CASTOR2: variants seen among roughly 807,000 people sequenced by gnomAD.
CASTOR2 encodes GATS protein like 2.
A neutral mutation model predicts 31.2 loss-of-function variants in CASTOR2; 8 were observed. That is an observed-to-expected ratio of 0.26 (90% CI 0.15 to 0.46). The LOEUF (loss-of-function observed/expected upper bound fraction) is 0.46, where lower values mean the gene tolerates loss of function less well. Ranked by LOEUF, CASTOR2 falls within the 20% of genes least tolerant of loss-of-function variation. The pLI is 0.99. For synonymous variants in CASTOR2, 162 were observed against 158.7 expected, an observed-to-expected ratio of 1.02 and a Z score of -0.16; for missense variants, 216 against 382.1, an observed-to-expected ratio of 0.57 and a Z score of 3.62.
chr7:74,986,058 G>A (rs1804057010), intron 1 of CASTOR2, among the ~76,000 whole-genome samples: 1 of 152,050 alleles, frequency 6.6e-6, no homozygotes, highest in East Asian at 1.9e-4. Context: ...CTCCCAAGTA[G>A]CTGCAACTAC....
chr7:75,013,524 T>A (rs1433805129), intron 2 of CASTOR2, among the ~76,000 whole-genome samples: 1 of 151,874 alleles, frequency 6.6e-6, no homozygotes, highest in Non-Finnish European at 1.5e-5. Flanking sequence ...ATGGCTGTGG[T>A]CCCAGCTACT....
intron 6 of CASTOR2, 62 bp downstream of exon 6, chr7:75,020,211 T>C: frequency 7.1e-7 from 1 of 1,406,012 alleles, no homozygotes; most frequent in South Asian, 1.3e-5. Context: ...GGGGGGACTA[T>C]GTGATGGCAC....
chr7:74,972,079 A>G (rs1418304657), intron 1 of CASTOR2, among the ~76,000 whole-genome samples: 11 of 149,048 alleles, frequency 7.4e-5, no homozygotes, highest in African/African-American at 1.7e-4. Context: ...CCTGGGCTCA[A>G]GGTATCCTCC....
At chr7:75,021,079 C>T (rs1804990004) in intron 6 of CASTOR2, among the ~76,000 whole-genome samples, 1 of 152,156 alleles carries the variant, frequency 6.6e-6, no homozygotes, top group East Asian at 1.9e-4. Context: ...GCAACCTCCA[C>T]CTCCCAGGTT....
chr7:75,024,543 C>T lies in CASTOR2; in HGVS notation c.924+9C>T. 1 of 1,551,558 alleles carries T rather than the reference C, an allele frequency of 6.4e-7. No individual in the cohort carries two copies. Among genetic ancestry groups the T allele is most frequent in the Non-Finnish European group, 8.7e-7 (1 of 1,146,836 alleles). On this transcript the variant is annotated intron_variant, in intron 8 of 8. Transcript: ENST00000616305. ...AGTTTGATCATGCACTTGTGAGTGTCCAGCGCCAGACCCCTCCAGGGCAGG... is the reference window on the plus strand; with the variant it reads ...AGTTTGATCATGCACTTGTGAGTGTTCAGCGCCAGACCCCTCCAGGGCAGG...
In CASTOR2 at chr7:75,025,622, C is replaced by T. The variant is rs1805107528; in HGVS notation, c.*923C>T. 6.6e-6 allele frequency among the ~76,000 whole-genome samples: 1 copy of T among 152,264 alleles called. No individual in the cohort carries two copies. The highest frequency in any genetic ancestry group is 2.4e-5 in the African/African-American group (1 of 41,472). ...CGCCGTCCTCCTCCCTCCTCTGCCC[C>T]CAAGTCACCTGCCTGCCCACCCGCC... On this transcript the variant is annotated 3_prime_UTR_variant, in exon 9 of 9. Coordinates refer to ENST00000616305, the MANE Select transcript of CASTOR2 (RefSeq NM_001145064.3).
chr7:75,017,964 A>C (rs1442996811), intron 3 of CASTOR2, 26 bp from the exon 4 acceptor site: 5 of 1,614,038 alleles, frequency 3.1e-6, no homozygotes, highest in Non-Finnish European at 4.2e-6. Flanking sequence ...CACCAGGCAC[A>C]CACGGCCTCA....
chr7:74,985,693 A>G (rs2131925202), intron 1 of CASTOR2, among the ~76,000 whole-genome samples: 1 of 149,880 alleles, frequency 6.7e-6, no homozygotes, highest in Middle Eastern at 3.5e-3. Flanking sequence ...AGCATGTTCC[A>G]TTACCCCCCA....
At chr7:74,983,795 G>C (rs1554436481) in intron 1 of CASTOR2, among the ~76,000 whole-genome samples, 3 of 150,300 alleles carry the variant, frequency 2.0e-5, no homozygotes, top group African/African-American at 7.4e-5. Context: ...TACCTTTCTT[G>C]TTTTCTTTTG....
rs1805150663 is a variant in CASTOR2 at position 75,026,933 on chromosome 7, C to G, written c.*2234C>G. On this transcript the variant is annotated 3_prime_UTR_variant, in exon 9 of 9. Transcript: ENST00000616305. ...CTTCCTAGGACGTATCTATTGTACA[C>G]ACCTATAAATACCTGTGTTTTATGT... is the stretch of plus-strand genomic sequence containing the variant. Among the ~76,000 whole-genome samples the G allele has an allele frequency of 1.3e-5, 2 of 152,174 alleles. No individual in the cohort carries two copies. The highest frequency in any genetic ancestry group is 2.1e-4 in the South Asian group (1 of 4,826).
At chr7:75,011,156 C>T (rs1334478365) in intron 2 of CASTOR2, among the ~76,000 whole-genome samples, 1 of 152,038 alleles carries the variant, frequency 6.6e-6, no homozygotes, top group Non-Finnish European at 1.5e-5. Context: ...TGGCCAGGCA[C>T]AGTGGTTCAC....
intron 2 of CASTOR2, among the ~76,000 whole-genome samples, chr7:75,012,240 G>A (rs1447137147): frequency 6.6e-6 from 1 of 152,140 alleles, no homozygotes; most frequent in Non-Finnish European, 1.5e-5. Context: ...TGCAGTATGA[G>A]GCTAGGAGGA....
Position 75,016,065 on chromosome 7 carries a change from CA to C in CASTOR2, c.185-1522del, listed in dbSNP as rs1156643766. The stretch of plus-strand genomic sequence containing the variant: ...TGGGTGACAGAGTGAGGCTCCATCT[CA>C]AAAAAAAAAATCCTGCCTCCTTGTG... On this transcript the variant is annotated intron_variant, in intron 2 of 8. Coordinates refer to ENST00000616305, the MANE Select transcript of CASTOR2 (RefSeq NM_001145064.3). Among the ~76,000 whole-genome samples, 1,066 of 147,466 alleles carry C rather than the reference CA, an allele frequency of 7.2e-3. 2 individuals carry two copies. The highest frequency in any genetic ancestry group is 0.013 in the Admixed American group (191 of 14,804).
At chr7:74,974,432 C>T (rs1273698629) in intron 1 of CASTOR2, among the ~76,000 whole-genome samples, 1 of 150,762 alleles carries the variant, frequency 6.6e-6, no homozygotes, top group African/African-American at 2.5e-5. Flanking sequence ...GACCAGAGGC[C>T]CACACAGGGG....
intron 1 of CASTOR2, among the ~76,000 whole-genome samples, chr7:74,989,762 A>G (rs1480891989): frequency 6.6e-6 from 1 of 152,060 alleles, no homozygotes; most frequent in African/African-American, 2.4e-5. Context: ...CCAGGCAGAA[A>G]ATAGGACATA....
In CASTOR2 at chr7:75,030,235, G is replaced by A. The variant is rs1343995906; in HGVS notation, c.*5536G>A. On this transcript the variant is annotated 3_prime_UTR_variant, in exon 9 of 9. Transcript: ENST00000616305. ...CACACGTTTGTGCATGTACCTGTGAGCGTGGATGTGTTCCTATGCATTAGA... is the reference window on the plus strand; with the variant it reads ...CACACGTTTGTGCATGTACCTGTGAACGTGGATGTGTTCCTATGCATTAGA... Among the ~76,000 whole-genome samples, 1 of 152,252 alleles carries A rather than the reference G, an allele frequency of 6.6e-6. No individual in the cohort carries two copies. The highest frequency in any genetic ancestry group is 1.5e-5 in the Non-Finnish European group (1 of 68,042).
chr7:75,000,006 C>T (rs1397955410), intron 1 of CASTOR2, among the ~76,000 whole-genome samples: 4 of 152,124 alleles, frequency 2.6e-5, no homozygotes, highest in Non-Finnish European at 5.9e-5. Context: ...TTGGGAGGAT[C>T]GCTTGAGGTC....
rs1248379454 is a variant in CASTOR2, at chr7:74,996,482, C to T, written c.114-11512C>T. 2.0e-5 allele frequency among the ~76,000 whole-genome samples: 3 copies of T among 151,588 alleles called. No individual in the cohort carries two copies. In the Admixed American group the frequency reaches 2.0e-4, roughly 10 times the overall value. On this transcript the variant is annotated intron_variant, in intron 1 of 8. Transcript: ENST00000616305. ...GCAGGACTGCAGGTTGCTTTAGGGT[C>T]AAATATTTCCATTGTGGTCTTCAGC...
At position 75,010,817 on chromosome 7, in the gene CASTOR2, G is replaced by GA. The variant is rs1232092945; in HGVS notation, c.184+2763dup. ...TGCTTAGAAATCTATTATTGCCCAA[G>GA]AAAAAAAAAATTGAGTGGATTTGTT... On this transcript the variant is annotated intron_variant, in intron 2 of 8. Coordinates refer to ENST00000616305, the MANE Select transcript of CASTOR2 (RefSeq NM_001145064.3). Among the ~76,000 whole-genome samples, 113 of 147,718 alleles carry GA rather than the reference G, an allele frequency of 7.6e-4. 1 individual carries two copies. Among genetic ancestry groups the GA allele is most frequent in the Admixed American group, 8.7e-4 (13 of 14,888 alleles).
Sources: gnomAD v4.1 joint callset for allele counts (sites outside exome capture counted in the v4.1 genomes callset) on GRCh38, gnomAD v4.1.1 for gene constraint, MANE v1.5 for transcripts, NCBI Gene and HGNC (gene_info 2026-07-23, HGNC 2026-07-21) for gene names.